SLC35F1: variants seen among roughly 807,000 people sequenced by gnomAD.
SLC35F1 encodes solute carrier family 35 member F1.
A neutral mutation model predicts 48.7 loss-of-function variants in SLC35F1; 14 were observed. That is an observed-to-expected ratio of 0.29 (90% confidence interval 0.19 to 0.45). The LOEUF (loss-of-function observed/expected upper bound fraction) is 0.45. Among genes scored for constraint, SLC35F1 ranks in the 20% least tolerant of loss-of-function variants. SLC35F1 has a pLI of 1.00. For missense variants in SLC35F1, 404 were observed against 500.0 expected (o/e 0.81, Z 1.83); for synonymous variants, 190 against 202.2 (o/e 0.94, Z 0.51).
At chr6:117,971,938 T>G (rs1363657118) in intron 1 of SLC35F1, among the ~76,000 whole-genome samples, 1 of 152,234 alleles carries the variant, frequency 6.6e-6, no homozygotes, top group Non-Finnish European at 1.5e-5. Flanking sequence ...TTCCCTATTG[T>G]CTTGGTGATT....
chr6:118,091,719 A>C (rs1773076503), intron 1 of SLC35F1, among the ~76,000 whole-genome samples: 1 of 152,218 alleles, frequency 6.6e-6, no homozygotes, highest in African/African-American at 2.4e-5. Context: ...AGGTTGGAAC[A>C]GTTTGGAGGC....
In SLC35F1 at chr6:117,923,623, A is replaced by G. The variant is rs1367935827; in HGVS notation, c.173+15724A>G. ...TGTATATATACATATACATATGTATATATACATATATGTACATATGTACAT... is the reference window on the plus strand; with the variant it reads ...TGTATATATACATATACATATGTATGTATACATATATGTACATATGTACAT... On this transcript the variant is annotated intron_variant, in intron 1 of 7. Coordinates refer to ENST00000360388, the MANE Select transcript of SLC35F1 (RefSeq NM_001029858.4). Among the ~76,000 whole-genome samples, 3 of 35,774 alleles carry G rather than the reference A, an allele frequency of 8.4e-5. 1 individual carries two copies. Among genetic ancestry groups the G allele is most frequent in the Admixed American group, 4.4e-4 (1 of 2,268 alleles). 23.5% of individuals were successfully genotyped at this position (35,774 alleles called of 152,430 possible).
chr6:118,277,596 G>A, intron 6 of SLC35F1, 50 bp downstream of exon 6: 1 of 1,540,648 alleles, frequency 6.5e-7, no homozygotes. Context: ...TGAGAAATGT[G>A]TTTGAAGAAT....
chr6:118,195,432 C>T (rs561028737), intron 2 of SLC35F1, among the ~76,000 whole-genome samples: 2 of 152,276 alleles, frequency 1.3e-5, no homozygotes, highest in African/African-American at 4.8e-5. Context: ...CTCAGTTTTT[C>T]AGCAATTCAG....
intron 3 of SLC35F1, among the ~76,000 whole-genome samples, chr6:118,254,602 C>A (rs1309499545): frequency 1.3e-5 from 2 of 152,130 alleles, no homozygotes; most frequent in Non-Finnish European, 2.9e-5. Flanking sequence ...TCTAACGAAA[C>A]CTGGAAATAA....
chr6:117,980,435 T>C lies in SLC35F1; in HGVS notation c.173+72536T>C, dbSNP rs183903500. Among the ~76,000 whole-genome samples, 258 of 152,328 alleles carry C rather than the reference T, an allele frequency of 1.7e-3. No homozygotes were observed. The Middle Eastern group carries it at 0.017, about 10-fold the overall frequency. On this transcript the variant is annotated intron_variant, in intron 1 of 7. Transcript: ENST00000360388. ...GAACATCCAGTTCTAATGTTGTATATGTTGAGGTGCCTGACTAATTCAAAA... is the reference window on the plus strand; with the variant it reads ...GAACATCCAGTTCTAATGTTGTATACGTTGAGGTGCCTGACTAATTCAAAA...
At chr6:118,174,908 C>T (rs531487469) in intron 2 of SLC35F1, among the ~76,000 whole-genome samples, 5 of 151,728 alleles carry the variant, frequency 3.3e-5, no homozygotes, top group Non-Finnish European at 7.4e-5. Context: ...AAAAAACAAC[C>T]CTGTCATCAT....
intron 3 of SLC35F1, among the ~76,000 whole-genome samples, chr6:118,239,201 A>G (rs1458743582): frequency 6.7e-6 from 1 of 149,816 alleles, no homozygotes; most frequent in Non-Finnish European, 1.5e-5. Flanking sequence ...TCTCTTGTTC[A>G]CCATTGAATC....
rs543894077 is a variant in SLC35F1, at chr6:118,179,690, C to T, written c.349+25070C>T. Among the ~76,000 whole-genome samples the T allele has an allele frequency of 4.6e-5, 7 of 152,210 alleles. No individual in the cohort carries two copies. In the South Asian group the frequency reaches 8.3e-4, roughly 18 times the overall value. On this transcript the variant is annotated intron_variant, in intron 2 of 7. Transcript: ENST00000360388. ...ATGTTGGGAGAAACTCTTCCCAGTACAGTACTCTTGGGATTGTGGAATGAA... is the reference window on the plus strand; with the variant it reads ...ATGTTGGGAGAAACTCTTCCCAGTATAGTACTCTTGGGATTGTGGAATGAA...
chr6:118,197,805 A>G (rs2114531520), intron 2 of SLC35F1, among the ~76,000 whole-genome samples: 1 of 152,234 alleles, frequency 6.6e-6, no homozygotes, highest in South Asian at 2.1e-4. Context: ...TACATTTGAA[A>G]AGCTCACTTT....
intron 2 of SLC35F1, among the ~76,000 whole-genome samples, chr6:118,166,926 G>A (rs572625599): frequency 6.6e-6 from 1 of 152,214 alleles, no homozygotes; most frequent in East Asian, 1.9e-4. Flanking sequence ...TTCTGCCCAT[G>A]ATTACTTTAT....
intron 4 of SLC35F1, among the ~76,000 whole-genome samples, chr6:118,273,399 A>G (rs1399616176): frequency 6.6e-6 from 1 of 152,182 alleles, no homozygotes; most frequent in African/African-American, 2.4e-5. Context: ...TTATTAACCA[A>G]GAGTTATATT....
chr6:118,155,713 C>G (rs1774130525), intron 2 of SLC35F1, among the ~76,000 whole-genome samples: 1 of 152,132 alleles, frequency 6.6e-6, no homozygotes, highest in Non-Finnish European at 1.5e-5. Context: ...AAATAGCCAT[C>G]AATTTTCCCC....
intron 2 of SLC35F1, among the ~76,000 whole-genome samples, chr6:118,234,572 G>A (rs1477016152): frequency 6.6e-6 from 1 of 152,162 alleles, no homozygotes; most frequent in African/African-American, 2.4e-5. Flanking sequence ...TTGAGCTGGA[G>A]ACACTCAGTT....
Position 118,317,312 on chromosome 6 carries a change from G to T in SLC35F1, c.*3060G>T, listed in dbSNP as rs1409673038. On this transcript the variant is annotated 3_prime_UTR_variant, in exon 8 of 8. Coordinates refer to ENST00000360388, the MANE Select transcript of SLC35F1 (RefSeq NM_001029858.4). ...GCAATGGAAAAATTTGCACCACCGT[G>T]TCCCATGAAATTGTTTCAATGTTTA... 1 of 152,062 alleles carries T rather than the reference G, an allele frequency of 6.6e-6. No homozygotes were observed. Among genetic ancestry groups the T allele is most frequent in the South Asian group, 2.1e-4 (1 of 4,828 alleles). The allele number at this position is 152,062 out of a possible 1,614,324, so 9.4% of individuals were successfully genotyped here. A position where few individuals can be genotyped will look rare whatever the true frequency, so the allele number is the denominator to read the frequency against.
At chr6:118,144,336 A>G (rs1042655857) in intron 1 of SLC35F1, among the ~76,000 whole-genome samples, 1 of 152,146 alleles carries the variant, frequency 6.6e-6, no homozygotes, top group African/African-American at 2.4e-5. Context: ...CTAACACAGG[A>G]ACAGAAAACC....
At chr6:118,000,187 G>A (rs986838772) in intron 1 of SLC35F1, among the ~76,000 whole-genome samples, 1 of 152,154 alleles carries the variant, frequency 6.6e-6, no homozygotes, top group East Asian at 1.9e-4. Flanking sequence ...GAACATTGAT[G>A]CAAAAATCCT....
chr6:117,989,655 A>T (rs1041481039), intron 1 of SLC35F1, among the ~76,000 whole-genome samples: 1 of 152,212 alleles, frequency 6.6e-6, no homozygotes, highest in African/African-American at 2.4e-5. Context: ...GTTTAAAGGT[A>T]AATATCCTAA....
chr6:118,192,702 A>G (rs1470536448), intron 2 of SLC35F1, among the ~76,000 whole-genome samples: 1 of 152,158 alleles, frequency 6.6e-6, no homozygotes, highest in African/African-American at 2.4e-5. Flanking sequence ...TATTGATGGT[A>G]TACACTAAAA....
Sources: gnomAD v4.1 joint callset for allele counts (sites outside exome capture counted in the v4.1 genomes callset) on GRCh38, gnomAD v4.1.1 for gene constraint, MANE v1.5 for transcripts, NCBI Gene and HGNC (gene_info 2026-07-23, HGNC 2026-07-21) for gene names.